SH3D19: variants seen among roughly 807,000 people sequenced by gnomAD.
The protein encoded by SH3D19 is SH3 domain containing 19.
A neutral mutation model predicts 112.1 loss-of-function variants in SH3D19; 58 were observed. The ratio of observed to expected loss-of-function variants is 0.52; its 90% CI spans 0.42 to 0.64. SH3D19 has a LOEUF of 0.64. SH3D19 is among the 30% of genes least tolerant of loss of function. SH3D19 has a pLI of 0.00. For missense variants in SH3D19, 1,090 were observed against 1,263.4 expected, an observed-to-expected ratio of 0.86 and a Z score of 2.08; for synonymous variants, 391 against 448.5, an observed-to-expected ratio of 0.87 and a Z score of 1.62.
At chr4:151,252,482 T>A (rs529015879) in intron 1 of SH3D19, among the ~76,000 whole-genome samples, 16 of 152,218 alleles carry the variant, frequency 1.1e-4, no homozygotes, top group African/African-American at 3.6e-4. Flanking sequence ...CTCACCACTA[T>A]CCTCTCAGTC....
At chr4:151,208,819 A>T (rs1278835731) in intron 2 of SH3D19, among the ~76,000 whole-genome samples, 2 of 151,802 alleles carry the variant, frequency 1.3e-5, no homozygotes, top group East Asian at 3.9e-4. Context: ...CTGGGACTAC[A>T]GGCGCCCACC....
chr4:151,231,300 T>C (rs940042762), intron 1 of SH3D19, among the ~76,000 whole-genome samples: 4 of 152,200 alleles, frequency 2.6e-5, no homozygotes, highest in Non-Finnish European at 4.4e-5. Flanking sequence ...AAATAACTTT[T>C]CTAAAAACCT....
At chr4:151,243,096 A>C (rs1347445688) in intron 1 of SH3D19, among the ~76,000 whole-genome samples, 1 of 152,200 alleles carries the variant, frequency 6.6e-6, no homozygotes, top group Non-Finnish European at 1.5e-5. Flanking sequence ...GAACATTCCC[A>C]AACTTTTCTT....
intron 16 of SH3D19, 96 bp from the exon 17 acceptor site, chr4:151,132,479 T>C: frequency 9.3e-7 from 1 of 1,080,544 alleles, no homozygotes; most frequent in South Asian, 1.3e-5. Flanking sequence ...GAGGTGGGAG[T>C]GAAGACTCTG....
intron 17 of SH3D19, among the ~76,000 whole-genome samples, chr4:151,129,734 C>G (rs541707783): frequency 2.0e-5 from 3 of 152,170 alleles, no homozygotes; most frequent in Admixed American, 2.0e-4. Flanking sequence ...TTCTTAACTT[C>G]GTGACACTGG....
chr4:151,174,809 C>T lies in SH3D19; in HGVS notation c.1395G>A (p.Gly465=). ...CTGGAACTGGGGGGTTGGCTGGGGG[C>T]CCTTCTCCCAGTGACTTGTATGCTT... The part of the protein sequence containing the change: ...QAKAYKSLGE[G]PPANPPVPVL... The change falls in exon 7 of 20, where the codon GGG becomes GGA. Residue 465 remains glycine (G), a synonymous_variant. Transcript: ENST00000604030. The T allele has an allele frequency of 7.7e-6, 12 of 1,563,864 alleles. No individual in the cohort carries two copies. The highest frequency in any genetic ancestry group is 1.0e-5 in the Non-Finnish European group (12 of 1,157,544).
chr4:151,212,020 G>A (rs2407414), intron 2 of SH3D19, among the ~76,000 whole-genome samples: 2 of 152,214 alleles, frequency 1.3e-5, no homozygotes, highest in Admixed American at 1.3e-4. Flanking sequence ...GGAAGAAGGT[G>A]CCATCTAGGA....
At chr4:151,129,202 G>A (rs77627453) in intron 17 of SH3D19, among the ~76,000 whole-genome samples, 372 of 152,254 alleles carry the variant, frequency 2.4e-3, no homozygotes, top group Non-Finnish European at 2.7e-3. Context: ...ATGAGCTGTA[G>A]TTAACTCTAA....
At chr4:151,298,219 G>A (rs56220030) in intron 1 of SH3D19, among the ~76,000 whole-genome samples, 51,059 of 129,608 alleles carry the variant, frequency 0.39, 10,209 homozygotes, top group Middle Eastern at 0.5. Context: ...ACGGAGTCTC[G>A]CTCTGTCACC....
At chr4:151,217,205 T>C (rs1290960707) in intron 2 of SH3D19, among the ~76,000 whole-genome samples, 1 of 152,192 alleles carries the variant, frequency 6.6e-6, no homozygotes. Context: ...CAGAGCATGG[T>C]ATTTTGATAG....
At chr4:151,160,226 A>T (rs1756911636) in intron 8 of SH3D19, among the ~76,000 whole-genome samples, 1 of 151,716 alleles carries the variant, frequency 6.6e-6, no homozygotes, top group South Asian at 2.1e-4. Context: ...AGCTGGGACT[A>T]CAGGCACCCG....
At chr4:151,214,119 A>G (rs1047922711) in intron 2 of SH3D19, among the ~76,000 whole-genome samples, 1 of 151,044 alleles carries the variant, frequency 6.6e-6, no homozygotes, top group Non-Finnish European at 1.5e-5. Context: ...CACATCTTGC[A>G]CCGCCCTTAA....
intron 4 of SH3D19, among the ~76,000 whole-genome samples, chr4:151,177,435 G>A (rs983005348): frequency 1.3e-5 from 2 of 151,980 alleles, no homozygotes; most frequent in South Asian, 2.1e-4. Context: ...TGCAACCTCC[G>A]CCTCTCAGGT....
At chr4:151,199,500 T>C (rs1201587333) in intron 2 of SH3D19, among the ~76,000 whole-genome samples, 2 of 152,142 alleles carry the variant, frequency 1.3e-5, no homozygotes, top group Non-Finnish European at 2.9e-5. Flanking sequence ...AGGTTCCAAA[T>C]AGTCTCAAAG....
intron 1 of SH3D19, among the ~76,000 whole-genome samples, chr4:151,293,086 C>A (rs1177139919): frequency 6.6e-6 from 1 of 151,962 alleles, no homozygotes; most frequent in Non-Finnish European, 1.5e-5. Flanking sequence ...CATCACTGCA[C>A]TCCAGCCTGG....
intron 2 of SH3D19, among the ~76,000 whole-genome samples, chr4:151,203,316 G>A (rs1309863654): frequency 6.6e-6 from 1 of 152,194 alleles, no homozygotes; most frequent in African/African-American, 2.4e-5. Context: ...AGCAGCCTGA[G>A]AAGTCAACAG....
At chr4:151,198,399 CATATATTATATATT>C (rs1290102350) in intron 2 of SH3D19, among the ~76,000 whole-genome samples, 1 of 132,560 alleles carries the variant, frequency 7.5e-6, no homozygotes. Flanking sequence ...TAATATATAT[CATATATTATATATT>C]ATATAAAATA....
At chr4:151,183,761 A>G (rs114738331) in intron 3 of SH3D19, among the ~76,000 whole-genome samples, 2 of 152,376 alleles carry the variant, frequency 1.3e-5, no homozygotes, top group Non-Finnish European at 2.9e-5. Context: ...TAAGAAACTT[A>G]CTGACTACAT....
chr4:151,128,395 T>G lies in SH3D19; in HGVS notation c.2743-39A>C, dbSNP rs779037705. 4.0e-5 allele frequency: 61 copies of G among 1,524,502 alleles called. No homozygotes were observed. In the South Asian group the frequency reaches 7.6e-4, roughly 19 times the overall value. The allele number at this position is 1,524,502 out of a possible 1,614,324, so 94.4% of individuals were successfully genotyped here. ...AGAGGTGTGGTCAGAAGTGTAAGAT[T>G]TTATTTGAAATTGAGTTCTACAAAG... is the stretch of plus-strand genomic sequence containing the variant. On this transcript the variant is annotated intron_variant, in intron 17 of 19. Coordinates refer to ENST00000604030, the MANE Select transcript of SH3D19 (RefSeq NM_001378122.1).
Sources: gnomAD v4.1 joint callset for allele counts (sites outside exome capture counted in the v4.1 genomes callset) on GRCh38, gnomAD v4.1.1 for gene constraint, MANE v1.5 for transcripts, NCBI Gene and HGNC (gene_info 2026-07-23, HGNC 2026-07-21) for gene names.